The following ARL3 variants were observed in gnomAD, a reference collection of about 807,000 sequenced individuals.
The protein encoded by ARL3 is ADP-ribosylation factor-like protein 3.
Under a neutral mutation model 26.0 loss-of-function variants are expected in ARL3, and 9 were observed. The ratio of observed to expected loss-of-function variants is 0.35; its 90% CI spans 0.21 to 0.60. The LOEUF (loss-of-function observed/expected upper bound fraction) is 0.60. Among genes scored for constraint, ARL3 ranks in the 20% least tolerant of loss-of-function variants. The probability of loss-of-function intolerance (pLI) is 0.78; values close to 1 mark genes in which losing one functional copy is unlikely to be tolerated. For missense variants in ARL3, 158 were observed against 215.7 expected (o/e 0.73, Z 1.67); for synonymous variants, 71 against 78.4 (o/e 0.91, Z 0.50).
intron 3 of ARL3, 71 bp downstream of exon 3, chr10:102,699,302 T>C (rs2064265549): frequency 1.1e-6 from 1 of 882,462 alleles, no homozygotes; most frequent in South Asian, 1.4e-5. Context: ...CAAGAAAGAA[T>C]GTTACAGTGT....
chr10:102,713,175 A>G lies in ARL3; in HGVS notation c.3+1098T>C, dbSNP rs562245066. 4.0e-5 allele frequency among the ~76,000 whole-genome samples: 6 copies of G among 151,768 alleles called. No homozygotes were observed. In the East Asian group the frequency reaches 5.8e-4, roughly 15 times the overall value. On this transcript the variant is annotated intron_variant, in intron 1 of 5. Transcript: ENST00000260746. ...TAGGAAGAGAGTTGGAGCAGTGACT[A>G]TAAGTTTGATGACAGGCTCTTTGCA...
intron 5 of ARL3, among the ~76,000 whole-genome samples, chr10:102,683,771 G>A (rs1408678145): frequency 3.9e-5 from 6 of 152,188 alleles, no homozygotes; most frequent in Non-Finnish European, 7.4e-5. Flanking sequence ...ACACAGCCAG[G>A]AGCATGGAGT....
intron 5 of ARL3, among the ~76,000 whole-genome samples, chr10:102,681,474 A>G (rs1427448015): frequency 1.3e-5 from 2 of 152,130 alleles, no homozygotes. Context: ...AAACCAAGAA[A>G]TGGGCGAGTG....
chr10:102,705,628 A>T (rs1270234215), intron 1 of ARL3, 139 bp from the exon 2 acceptor site: 3 of 912,702 alleles, frequency 3.3e-6, no homozygotes, highest in African/African-American at 1.7e-5. Context: ...AATGCCACTT[A>T]TTCCATTTGC....
intron 1 of ARL3, among the ~76,000 whole-genome samples, chr10:102,712,786 A>G (rs2064350587): frequency 6.6e-6 from 1 of 151,916 alleles, no homozygotes; most frequent in African/African-American, 2.4e-5. Flanking sequence ...TTCTGGGTAA[A>G]TATTTATGTT....
intron 5 of ARL3, among the ~76,000 whole-genome samples, chr10:102,682,053 C>A (rs925938053): frequency 6.6e-5 from 10 of 152,160 alleles, no homozygotes; most frequent in Non-Finnish European, 1.5e-4. Context: ...CAGAATGTTT[C>A]ATCCTAGGAG....
At position 102,675,883 on chromosome 10, in the gene ARL3, C is replaced by G. The variant is rs2064127898; in HGVS notation, c.*1011G>C. 1.3e-5 allele frequency: 2 copies of G among 152,600 alleles called. No individual in the cohort carries two copies. The highest frequency in any genetic ancestry group is 4.8e-5 in the African/African-American group (2 of 41,426). 9.5% of individuals were successfully genotyped at this position (152,600 alleles called of 1,614,324 possible). ...ATCTGCCTGGCTTTTCTCAGTGGAG[C>G]AGGTTCATGGTAAAGCTGCATTTAT... is the stretch of plus-strand genomic sequence containing the variant. On this transcript the variant is annotated 3_prime_UTR_variant, in exon 6 of 6. Coordinates refer to ENST00000260746, the MANE Select transcript of ARL3 (RefSeq NM_004311.4).
chr10:102,689,857 T>C (rs1239660419), intron 4 of ARL3, 36 bp downstream of exon 4: 2 of 1,353,054 alleles, frequency 1.5e-6, no homozygotes, highest in Non-Finnish European at 2.1e-6. Context: ...TACATATATA[T>C]ATATAAGAAC....
chr10:102,689,251 G>A (rs893137485), intron 4 of ARL3, among the ~76,000 whole-genome samples: 2 of 152,046 alleles, frequency 1.3e-5, no homozygotes, highest in African/African-American at 2.4e-5. Flanking sequence ...CTTGAACCTG[G>A]GAGGTTGAAG....
At chr10:102,702,142 G>A (rs1170455200) in intron 2 of ARL3, among the ~76,000 whole-genome samples, 1 of 152,014 alleles carries the variant, frequency 6.6e-6, no homozygotes, top group Non-Finnish European at 1.5e-5. Flanking sequence ...AGTGAGCTAT[G>A]GATGGTGCCA....
intron 2 of ARL3, 133 bp from the exon 3 acceptor site, chr10:102,699,622 T>C (rs1403741433): frequency 3.4e-6 from 2 of 596,832 alleles, no homozygotes; most frequent in South Asian, 2.1e-5. Context: ...ATGCTGAAAA[T>C]GATTTGTTGT....
At chr10:102,696,599 C>T (rs944136791) in intron 3 of ARL3, among the ~76,000 whole-genome samples, 4 of 152,146 alleles carry the variant, frequency 2.6e-5, no homozygotes, top group Middle Eastern at 3.2e-3. Context: ...CCTGTCCTCA[C>T]GGAGCTTACC....
chr10:102,698,920 C>G (rs939311955), intron 3 of ARL3, among the ~76,000 whole-genome samples: 2 of 152,222 alleles, frequency 1.3e-5, no homozygotes, highest in Non-Finnish European at 2.9e-5. Flanking sequence ...ATTCTTGAAG[C>G]AGCCTAGACA....
At chr10:102,698,486 C>T (rs117027139) in intron 3 of ARL3, among the ~76,000 whole-genome samples, 4,406 of 152,198 alleles carry the variant, frequency 0.029, 94 homozygotes, top group Middle Eastern at 0.062. Context: ...TTAGTAAAAG[C>T]GACATGCAAT....
chr10:102,710,044 A>AC (rs1162031937), intron 1 of ARL3, among the ~76,000 whole-genome samples: 1 of 152,190 alleles, frequency 6.6e-6, no homozygotes, highest in Admixed American at 6.5e-5. Flanking sequence ...AAAAAAAAAA[A>AC]ATTCTAACTA....
At position 102,675,988 on chromosome 10, in the gene ARL3, A is replaced by G. The variant is rs772692566; in HGVS notation, c.*906T>C. On this transcript the variant is annotated 3_prime_UTR_variant, in exon 6 of 6. Transcript: ENST00000260746. ...GAGCTTTAGAAATCCTGTCTATAGG[A>G]CGGCCGTGGAGAAGCCAGCTAATCT... 3.1e-4 allele frequency: 47 copies of G among 152,644 alleles called. No individual in the cohort carries two copies. The highest frequency in any genetic ancestry group is 6.0e-4 in the Non-Finnish European group (41 of 68,040). The allele number at this position is 152,644 out of a possible 1,614,324, so 9.5% of individuals were successfully genotyped here.
In ARL3 at chr10:102,714,254, C is replaced by A. The variant is rs777473368; in HGVS notation, c.3+19G>T. 1.5e-6 allele frequency: 2 copies of A among 1,313,418 alleles called. No homozygotes were observed. Among genetic ancestry groups the A allele is most frequent in the African/African-American group, 1.5e-5 (1 of 66,420 alleles). The allele number at this position is 1,313,418 out of a possible 1,614,324, so 81.4% of individuals were successfully genotyped here. A position where few individuals can be genotyped will look rare whatever the true frequency, so the allele number is the denominator to read the frequency against. On this transcript the variant is annotated intron_variant, in intron 1 of 5. Coordinates refer to ENST00000260746, the MANE Select transcript of ARL3 (RefSeq NM_004311.4). ...GGATAACCGGCCGGCTCCAAGGGGG[C>A]CCAGGCCCCCACACTCACCATCCTC...
intron 1 of ARL3, among the ~76,000 whole-genome samples, chr10:102,706,308 G>A (rs1224299564): frequency 3.3e-5 from 5 of 151,988 alleles, no homozygotes; most frequent in South Asian, 2.1e-4. Flanking sequence ...AAAATTAGTC[G>A]GGCGTGGTGG....
chr10:102,701,428 C>T (rs965965488), intron 2 of ARL3, among the ~76,000 whole-genome samples: 4 of 152,308 alleles, frequency 2.6e-5, no homozygotes, highest in South Asian at 4.1e-4. Context: ...ATTTCCACTG[C>T]GGATACACAG....
Sources: allele counts gnomAD v4.1 joint callset (sites outside exome capture counted in the v4.1 genomes callset), GRCh38; gene constraint gnomAD v4.1.1; transcripts MANE v1.5; gene names NCBI Gene and HGNC (gene_info 2026-07-23, HGNC 2026-07-21).